Variants in MALRD1 observed in about 807,000 individuals in gnomAD.
MALRD1 encodes the protein MAM and LDL-receptor class A domain-containing protein 1.
Under a neutral mutation model 242.1 loss-of-function variants are expected in MALRD1, and 247 were observed. That is an observed-to-expected ratio of 1.02 (90% CI 0.92 to 1.13). The LOEUF (loss-of-function observed/expected upper bound fraction) is 1.13, where lower values mean the gene tolerates loss of function less well. Ranked by LOEUF, MALRD1 falls within the 50% of genes most tolerant of loss-of-function variation. MALRD1 has a pLI of 0.00. For synonymous variants in MALRD1, 995 were observed against 866.6 expected (o/e 1.15, Z -2.60); for missense variants, 2,989 against 2,533.1 (o/e 1.18, Z -3.86).
rs185600695 is a variant in MALRD1, at chr10:19,604,516, A to G, written c.5945-3261A>G. Among the ~76,000 whole-genome samples, 216 of 152,302 alleles carry G rather than the reference A, an allele frequency of 1.4e-3. 1 individual carries two copies. Among genetic ancestry groups the G allele is most frequent in the Non-Finnish European group, 2.4e-3 (166 of 68,008 alleles). On this transcript the variant is annotated intron_variant, in intron 34 of 39. Transcript: ENST00000454679. Reference sequence around the variant, plus strand: ...AGAGGTTGGTTTATGAAGTTGAAGGAAAGAAACTATCACCATAACATGAAA... The same window carrying G: ...AGAGGTTGGTTTATGAAGTTGAAGGGAAGAAACTATCACCATAACATGAAA...
chr10:19,155,179 A>G lies in MALRD1; in HGVS notation c.1656+7A>G. 1 of 1,228,982 alleles carries G rather than the reference A, an allele frequency of 8.1e-7. No homozygotes were observed. 76.1% of individuals were successfully genotyped at this position (1,228,982 alleles called of 1,614,324 possible). ...TGCCTCTACCCCATGTCAGGTAATC[A>G]ACTGTTCTGAATTTCCACTGGCCAT... On this transcript the variant is annotated splice_region_variant and intron_variant, in intron 12 of 39. Transcript: ENST00000454679.
chr10:19,457,218 T>G (rs1432903626), intron 29 of MALRD1, among the ~76,000 whole-genome samples: 4 of 152,074 alleles, frequency 2.6e-5, no homozygotes, highest in Non-Finnish European at 5.9e-5. Flanking sequence ...AGCCATAACA[T>G]CATAGAATAC....
At chr10:19,719,621 A>T (rs1834646826) in intron 38 of MALRD1, among the ~76,000 whole-genome samples, 1 of 152,136 alleles carries the variant, frequency 6.6e-6, no homozygotes, top group Non-Finnish European at 1.5e-5. Context: ...GTTTGGTTTT[A>T]TGACCCTGGG....
intron 21 of MALRD1, among the ~76,000 whole-genome samples, chr10:19,292,728 T>A (rs1446020954): frequency 6.6e-6 from 1 of 151,602 alleles, no homozygotes; most frequent in Non-Finnish European, 1.5e-5. Flanking sequence ...CCGTCTCTAC[T>A]AAAAATACAA....
rs1491309752 is a variant in MALRD1, at chr10:19,163,137, T to TGAAAA, written c.1657-2500_1657-2499insGAAAA. ...TGAACAACTGGAGTGAAACCCTGTC[T>TGAAAA]AAAAAAAAAAAAAAAAAAAAAAAAA... is the stretch of plus-strand genomic sequence containing the variant. On this transcript the variant is annotated intron_variant, in intron 12 of 39. Coordinates refer to ENST00000454679, the MANE Select transcript of MALRD1 (RefSeq NM_001142308.3). Among the ~76,000 whole-genome samples the TGAAAA allele has an allele frequency of 5.7e-3, 249 of 43,834 alleles. 34 individuals carry two copies. The highest frequency in any genetic ancestry group is 0.022 in the Admixed American group (64 of 2,858). 28.8% of individuals were successfully genotyped at this position (43,834 alleles called of 152,430 possible). A position where few individuals can be genotyped will look rare whatever the true frequency, so the allele number is the denominator to read the frequency against.
At chr10:19,310,194 G>A (rs1341849937) in intron 21 of MALRD1, among the ~76,000 whole-genome samples, 1 of 151,434 alleles carries the variant, frequency 6.6e-6, no homozygotes, top group Non-Finnish European at 1.5e-5. Flanking sequence ...AAAAGAGACA[G>A]GAAATGAAGG....
chr10:19,433,558 G>A (rs1564335673), intron 28 of MALRD1, among the ~76,000 whole-genome samples: 1 of 152,190 alleles, frequency 6.6e-6, no homozygotes, highest in East Asian at 1.9e-4. Flanking sequence ...ATGTCAGTTA[G>A]ATGGCTTATT....
At chr10:19,230,670 A>G (rs766707075) in intron 18 of MALRD1, among the ~76,000 whole-genome samples, 2 of 152,150 alleles carry the variant, frequency 1.3e-5, no homozygotes, top group Non-Finnish European at 2.9e-5. Context: ...GACAATGCTT[A>G]GGATCTTTAG....
At chr10:19,064,084 T>G (rs1834900923) in intron 1 of MALRD1, among the ~76,000 whole-genome samples, 1 of 152,052 alleles carries the variant, frequency 6.6e-6, no homozygotes, top group African/African-American at 2.4e-5. Flanking sequence ...AGGAGATAAT[T>G]GCGGCTTCCA....
intron 21 of MALRD1, among the ~76,000 whole-genome samples, chr10:19,297,702 G>T (rs568297949): frequency 3.3e-5 from 5 of 151,576 alleles, no homozygotes; most frequent in Non-Finnish European, 7.4e-5. Context: ...TTTTATGCAA[G>T]TAACAGGGGA....
At chr10:19,539,890 G>GTC (rs1834874085) in intron 32 of MALRD1, among the ~76,000 whole-genome samples, 1 of 80,356 alleles carries the variant, frequency 1.2e-5, no homozygotes, top group South Asian at 4.4e-4. Context: ...GTGTGTGTGT[G>GTC]TGTGTGTGCG....
chr10:19,358,777 G>C (rs577307105), intron 26 of MALRD1, among the ~76,000 whole-genome samples: 1 of 152,256 alleles, frequency 6.6e-6, no homozygotes, highest in East Asian at 1.9e-4. Context: ...TTCCTGCTAA[G>C]GAGACTATGA....
chr10:19,275,704 T>C (rs1840485214), intron 19 of MALRD1, among the ~76,000 whole-genome samples: 1 of 151,942 alleles, frequency 6.6e-6, no homozygotes, highest in African/African-American at 2.4e-5. Flanking sequence ...ATAAATAAAA[T>C]CAGAAATCAG....
At chr10:19,580,721 TATC>T (rs1411045682) in intron 33 of MALRD1, among the ~76,000 whole-genome samples, 4 of 152,212 alleles carry the variant, frequency 2.6e-5, no homozygotes, top group Admixed American at 6.5e-5. Context: ...TGAAAATAGT[TATC>T]ATTTTGTGCT....
Position 19,405,705 on chromosome 10 carries a change from A to G in MALRD1, c.4845+16096A>G, listed in dbSNP as rs1847066224. Among the ~76,000 whole-genome samples the G allele has an allele frequency of 2.0e-5, 3 of 152,178 alleles. No homozygotes were observed. In the South Asian group the frequency reaches 6.2e-4, roughly 31 times the overall value. On this transcript the variant is annotated intron_variant, in intron 28 of 39. Transcript: ENST00000454679. ...AATCAGATATCAAACTTTCACACAT[A>G]GATTCTCTCCATACACATATCCTAG...
intron 28 of MALRD1, among the ~76,000 whole-genome samples, chr10:19,436,642 C>A (rs1030644059): frequency 6.6e-6 from 1 of 152,098 alleles, no homozygotes; most frequent in Admixed American, 6.6e-5. Flanking sequence ...TCTCATTTCC[C>A]CATTTTCCTA....
chr10:19,570,175 G>A (rs746423377), intron 33 of MALRD1, among the ~76,000 whole-genome samples: 3 of 151,938 alleles, frequency 2.0e-5, no homozygotes, highest in Non-Finnish European at 2.9e-5. Context: ...CCTCTCCCAA[G>A]CCCCATTCTC....
rs759213931 is a variant in MALRD1 at position 19,504,664 on chromosome 10, A to ATTTTT, written c.5320+6043_5320+6047dup. Among the ~76,000 whole-genome samples the ATTTTT allele has an allele frequency of 9.8e-4, 96 of 97,592 alleles. 7 individuals carry two copies. Among genetic ancestry groups the ATTTTT allele is most frequent in the East Asian group, 9.5e-3 (30 of 3,158 alleles). The allele number at this position is 97,592 out of a possible 152,430, so 64.0% of individuals were successfully genotyped here. A position where few individuals can be genotyped will look rare whatever the true frequency, so the allele number is the denominator to read the frequency against. On this transcript the variant is annotated intron_variant, in intron 31 of 39. Coordinates refer to ENST00000454679, the MANE Select transcript of MALRD1 (RefSeq NM_001142308.3). ...ACATATAATGACTATATTGTAACAC[A>ATTTTT]TTTTTTTTTTTTTTTTTTTTTTTTT... is the stretch of plus-strand genomic sequence containing the variant.
chr10:19,284,232 T>C (rs1054660221), intron 21 of MALRD1, among the ~76,000 whole-genome samples: 2 of 150,572 alleles, frequency 1.3e-5, no homozygotes, highest in Non-Finnish European at 3.0e-5. Context: ...TAAGCATGTT[T>C]GTATTTTACA....
Sources: gnomAD v4.1 joint callset for allele counts (sites outside exome capture counted in the v4.1 genomes callset) on GRCh38, gnomAD v4.1.1 for gene constraint, MANE v1.5 for transcripts, NCBI Gene and HGNC (gene_info 2026-07-23, HGNC 2026-07-21) for gene names.